TENM3: variants seen among roughly 807,000 people sequenced by gnomAD.
TENM3 encodes the protein teneurin-3.
A neutral mutation model predicts 255.1 loss-of-function variants in TENM3; 63 were observed. The observed-to-expected ratio is 0.25, with a 90% CI of 0.20 to 0.30. The LOEUF (loss-of-function observed/expected upper bound fraction) is 0.30, where lower values mean the gene tolerates loss of function less well. TENM3 is among the 10% of genes least tolerant of loss of function. TENM3 has a pLI of 1.00. For missense variants in TENM3, 2,929 were observed against 3,461.1 expected (o/e 0.85, Z 3.86); for synonymous variants, 1,306 against 1,322.3 (o/e 0.99, Z 0.27).
chr4:182,656,528 G>A (rs76546754), intron 6 of TENM3, among the ~76,000 whole-genome samples: 21,889 of 151,996 alleles, frequency 0.14, 1,693 homozygotes, highest in Non-Finnish European at 0.17. Flanking sequence ...CAGTGTCCAT[G>A]CACCACCACC....
the TENM3 span, among the ~76,000 whole-genome samples, chr4:181,460,025 C>T: frequency 6.6e-6 from 1 of 151,846 alleles, no homozygotes; most frequent in African/African-American, 2.4e-5. Flanking sequence ...GTGTAAAGAT[C>T]TTGTATGTAT....
the TENM3 span, among the ~76,000 whole-genome samples, chr4:182,099,390 T>C: frequency 1.3e-5 from 2 of 152,192 alleles, no homozygotes; most frequent in African/African-American, 4.8e-5. Context: ...TTGTAAAATA[T>C]AAATGTGAAT....
intron 3 of TENM3, among the ~76,000 whole-genome samples, chr4:182,494,468 A>G (rs114676063): frequency 6.5e-4 from 99 of 152,306 alleles, no homozygotes; most frequent in African/African-American, 2.3e-3. Flanking sequence ...TTATAAATCA[A>G]ACCTTTCCTA....
At chr4:182,480,452 C>T (rs1040331731) in intron 3 of TENM3, among the ~76,000 whole-genome samples, 5 of 151,976 alleles carry the variant, frequency 3.3e-5, no homozygotes, top group Non-Finnish European at 7.4e-5. Context: ...TTTTCAAAAT[C>T]ACAATTTCCT....
chr4:182,174,995 G>T (rs999950012), intron 1 of TENM3, among the ~76,000 whole-genome samples: 2 of 152,022 alleles, frequency 1.3e-5, no homozygotes, highest in Non-Finnish European at 2.9e-5. Context: ...TTTAAAGGCT[G>T]CAAACAGTGT....
the TENM3 span, among the ~76,000 whole-genome samples, chr4:181,590,194 G>T: frequency 6.6e-6 from 1 of 152,094 alleles, no homozygotes; most frequent in Non-Finnish European, 1.5e-5. Context: ...AAGAAACAAT[G>T]CCAAGTAGAA....
chr4:182,083,541 T>C, the TENM3 span, among the ~76,000 whole-genome samples: 1 of 152,184 alleles, frequency 6.6e-6, no homozygotes. Flanking sequence ...AAGTGGTAAA[T>C]GTGCCGCATT....
At chr4:182,329,109 C>T (rs981534084) in intron 2 of TENM3, among the ~76,000 whole-genome samples, 2 of 152,184 alleles carry the variant, frequency 1.3e-5, no homozygotes, top group Admixed American at 6.5e-5. Context: ...CTCATCCACT[C>T]ATCTCCCAGC....
chr4:181,554,797 G>A, the TENM3 span, among the ~76,000 whole-genome samples: 34 of 152,284 alleles, frequency 2.2e-4, no homozygotes, highest in Admixed American at 1.4e-3. Flanking sequence ...TGGCTGATAC[G>A]GAAGCAAGTT....
intron 3 of TENM3, among the ~76,000 whole-genome samples, chr4:182,414,772 A>G (rs1174897886): frequency 2.0e-5 from 3 of 152,262 alleles, no homozygotes; most frequent in Non-Finnish European, 1.5e-5. Context: ...TGCTGTTTAA[A>G]TAATATATGA....
chr4:181,500,679 T>A, the TENM3 span, among the ~76,000 whole-genome samples: 2 of 152,206 alleles, frequency 1.3e-5, no homozygotes, highest in Non-Finnish European at 2.9e-5. Flanking sequence ...CTCAAAGGTA[T>A]CATATTCACA....
the TENM3 span, among the ~76,000 whole-genome samples, chr4:181,556,621 A>G: frequency 6.6e-6 from 1 of 152,192 alleles, no homozygotes; most frequent in African/African-American, 2.4e-5. Flanking sequence ...GATTTAGTAT[A>G]TAAAGATAAC....
chr4:182,476,737 A>G (rs1349959659), intron 3 of TENM3, among the ~76,000 whole-genome samples: 1 of 152,182 alleles, frequency 6.6e-6, no homozygotes, highest in Non-Finnish European at 1.5e-5. Flanking sequence ...GATAAAGTAC[A>G]TGGTCTTGAA....
At chr4:182,647,142 G>C (rs571665850) in intron 5 of TENM3, among the ~76,000 whole-genome samples, 2 of 152,246 alleles carry the variant, frequency 1.3e-5, no homozygotes, top group South Asian at 4.1e-4. Flanking sequence ...TTAAGTTTCC[G>C]ACTTTGTGTC....
At chr4:182,696,715 C>A (rs1757452088) in intron 12 of TENM3, among the ~76,000 whole-genome samples, 1 of 150,978 alleles carries the variant, frequency 6.6e-6, no homozygotes, top group Non-Finnish European at 1.5e-5. Flanking sequence ...CAGAGCGAGA[C>A]TTCATCTCAA....
chr4:182,636,803 G>A (rs1230649392), intron 5 of TENM3, among the ~76,000 whole-genome samples: 7 of 151,938 alleles, frequency 4.6e-5, no homozygotes, highest in Admixed American at 4.6e-4. Flanking sequence ...TCTCTGACTT[G>A]AAAAATATTC....
At chr4:182,516,223 A>G (rs1737932180) in intron 3 of TENM3, among the ~76,000 whole-genome samples, 1 of 152,210 alleles carries the variant, frequency 6.6e-6, no homozygotes, top group African/African-American at 2.4e-5. Context: ...AACATCAAAT[A>G]AGTCAATCTC....
chr4:181,589,819 T>C, the TENM3 span, among the ~76,000 whole-genome samples: 6 of 152,328 alleles, frequency 3.9e-5, no homozygotes, highest in East Asian at 1.2e-3. Context: ...AGACCGTACG[T>C]GATTCTCTCA....
In TENM3 at chr4:182,729,025, C is replaced by T. The variant is rs758340763; in HGVS notation, c.2429C>T (p.Pro810Leu). 2.5e-6 allele frequency: 4 copies of T among 1,613,846 alleles called. No individual in the cohort carries two copies. Among genetic ancestry groups the T allele is most frequent in the Middle Eastern group, 1.6e-4 (1 of 6,084 alleles). Residue 810 changes from proline (P) to leucine (L), a missense_variant, in exon 14 of 28, where the codon CCC becomes CTC. Coordinates refer to ENST00000511685, the MANE Select transcript of TENM3 (RefSeq NM_001080477.4). Reference protein sequence around the residue: ...CCLQSSCQNQPYCRGLPDPQD... With the variant: ...CCLQSSCQNQLYCRGLPDPQD... ...CTACAGAGTTCCTGCCAGAATCAGC[C>T]CTATTGTCGGGGACTGCCGGATCCT... is the stretch of plus-strand genomic sequence containing the variant.
Sources: gnomAD v4.1 joint callset for allele counts (sites outside exome capture counted in the v4.1 genomes callset) on GRCh38, gnomAD v4.1.1 for gene constraint, MANE v1.5 for transcripts, NCBI Gene and HGNC (gene_info 2026-07-23, HGNC 2026-07-21) for gene names.